Variants in DDX47 observed in about 807,000 individuals in gnomAD.
The protein encoded by DDX47 is DEAD-box helicase 47.
DDX47 carries 60 observed loss-of-function variants against 58.8 expected under a neutral mutation model. That is an observed-to-expected ratio of 1.02 (90% confidence interval 0.83 to 1.26). The LOEUF is 1.26. Ranked by LOEUF, DDX47 falls within the 50% of genes most tolerant of loss-of-function variation. The pLI, the probability that DDX47 is intolerant of heterozygous loss-of-function variation, is 0.00. For missense variants in DDX47, 530 were observed against 573.2 expected, an observed-to-expected ratio of 0.92 and a Z score of 0.77; for synonymous variants, 197 against 204.6, an observed-to-expected ratio of 0.96 and a Z score of 0.32.
At chr12:12,825,902 A>G (rs753593371) in intron 9 of DDX47, 98 bp from the exon 10 acceptor site, 3 of 867,208 alleles carry the variant, frequency 3.5e-6, no homozygotes, top group African/African-American at 3.5e-5. Context: ...AAATGAATCT[A>G]TTTTCTTTCA....
chr12:12,821,059 A>G, intron 2 of DDX47, 149 bp from the exon 3 acceptor site: 1 of 747,006 alleles, frequency 1.3e-6, no homozygotes, highest in Non-Finnish European at 2.2e-6. Context: ...GAGAGAGGCC[A>G]TGTCTTTTCT....
chr12:12,826,025 CAGCTAG>C lies in DDX47; in HGVS notation c.1066_1071del (p.Arg356_Ala357del), dbSNP rs1384555703. The C allele has an allele frequency of 1.2e-6, 2 of 1,613,284 alleles. No homozygotes were observed. Among genetic ancestry groups the C allele is most frequent in the Admixed American group, 3.3e-5 (2 of 59,900 alleles). On this transcript the variant is annotated inframe_deletion, in exon 10 of 12. Coordinates refer to ENST00000358007, the MANE Select transcript of DDX47 (RefSeq NM_016355.4). ...GATTACATCCATCGAGTAGGTCGAA[CAGCTAG>C]AGCTGGGCGCTCCGGAAAGGCTATT...
chr12:12,813,654 C>T (rs1862849177), intron 1 of DDX47, 200 bp downstream of exon 1: 1 of 603,570 alleles, frequency 1.7e-6, no homozygotes, highest in East Asian at 2.8e-5. Context: ...CTGAGACCCC[C>T]TATTTGCCCT....
chr12:12,820,767 C>A, intron 2 of DDX47: 1 of 174,082 alleles, frequency 5.7e-6, no homozygotes, highest in South Asian at 1.3e-4. Context: ...TCCCAAACTG[C>A]TGGGGTTACA....
chr12:12,823,793 T>C, intron 7 of DDX47, 77 bp from the exon 8 acceptor site: 1 of 1,427,406 alleles, frequency 7.0e-7, no homozygotes, highest in African/African-American at 1.4e-5. Flanking sequence ...GCTTAGTCTT[T>C]ACCTTATGTA....
chr12:12,820,716 G>T (rs115642034), intron 2 of DDX47: 4,731 of 162,740 alleles, frequency 0.029, 235 homozygotes, highest in African/African-American at 0.1. Flanking sequence ...GGTCAGACTG[G>T]TCTCGAACTC....
chr12:12,825,334 C>T (rs762160316), intron 9 of DDX47, among the ~76,000 whole-genome samples: 23 of 152,116 alleles, frequency 1.5e-4, no homozygotes, highest in Admixed American at 1.3e-4. Context: ...TTTAAGCTTT[C>T]GAATTCCTTG....
At position 12,829,401 on chromosome 12, in the gene DDX47, A is replaced by G. The variant is rs201985269; in HGVS notation, c.1237-22A>G. On this transcript the variant is annotated intron_variant, in intron 11 of 11. Transcript: ENST00000358007. ...GTGCCAGTAATTCATTTTCAATCCC[A>G]TCCTCTCTTTTTTTCTTGCAGGAGT... 3.5e-4 allele frequency: 562 copies of G among 1,598,006 alleles called. 3 individuals carry two copies. Among genetic ancestry groups the G allele is most frequent in the Middle Eastern group, 1.8e-3 (11 of 5,982 alleles).
intron 2 of DDX47, chr12:12,820,398 G>A (rs1356891965): frequency 1.3e-5 from 2 of 152,118 alleles, no homozygotes; most frequent in East Asian, 1.9e-4. Context: ...CTTTCTTATA[G>A]GAAAACATCA....
chr12:12,823,784 C>A, intron 7 of DDX47, 86 bp from the exon 8 acceptor site: 1 of 1,334,314 alleles, frequency 7.5e-7, no homozygotes, highest in Non-Finnish European at 1.0e-6. Flanking sequence ...CGACTATAGG[C>A]TTAGTCTTTA....
Position 12,829,418 on chromosome 12 carries a change from TGCAG to T in DDX47, c.1237-3_1237del. On this transcript the variant is annotated splice_acceptor_variant and splice_polypyrimidine_tract_variant and intron_variant, in intron 11 of 11. Transcript: ENST00000358007. LOFTEE classifies it high-confidence loss of function. The stretch of plus-strand genomic sequence containing the variant: ...TCAATCCCATCCTCTCTTTTTTTCT[TGCAG>T]GAGTTAAGGGAGCATGGAGAAAAGA... 1 of 1,600,768 alleles carries T rather than the reference TGCAG, an allele frequency of 6.2e-7. No homozygotes were observed. Among genetic ancestry groups the T allele is most frequent in the Non-Finnish European group, 8.5e-7 (1 of 1,175,614 alleles).
At chr12:12,818,983 G>A (rs1428321937) in intron 2 of DDX47, among the ~76,000 whole-genome samples, 1 of 152,192 alleles carries the variant, frequency 6.6e-6, no homozygotes, top group East Asian at 1.9e-4. Context: ...ATTGGGTGGG[G>A]ACACAGCCAA....
rs372689788 is a variant in DDX47, at chr12:12,822,688, C to T, written c.589C>T (p.Arg197Ter). 30 of 1,613,962 alleles carry T rather than the reference C, an allele frequency of 1.9e-5. No homozygotes were observed. The highest frequency in any genetic ancestry group is 1.2e-4 in the African/African-American group (9 of 75,022). ...TGACAAGATCCTCAAAGTGATTCCT[C>T]GAGATCGGAAAACATTCCTCTTCTC... ...EVDKILKVIP[R>*]DRKTFLFSAT... The change falls in exon 6 of 12, where the codon CGA (arginine) becomes TGA (stop). Residue 197 changes from arginine to a stop codon, truncating the protein, a stop_gained. Transcript: ENST00000358007. LOFTEE classifies it high-confidence loss of function.
chr12:12,818,985 C>T (rs966379097), intron 2 of DDX47, among the ~76,000 whole-genome samples: 29 of 152,280 alleles, frequency 1.9e-4, no homozygotes, highest in African/African-American at 6.5e-4. Flanking sequence ...TGGGTGGGGA[C>T]ACAGCCAAAC....
chr12:12,826,170 C>T, intron 10 of DDX47, 100 bp downstream of exon 10: 6 of 894,364 alleles, frequency 6.7e-6, no homozygotes, highest in Non-Finnish European at 1.0e-5. Context: ...ACACTAATCA[C>T]TTTCATACTG....
intron 9 of DDX47, chr12:12,825,092 A>C (rs1481680180): frequency 6.5e-6 from 1 of 154,456 alleles, no homozygotes; most frequent in Non-Finnish European, 1.4e-5. Context: ...CTCCTGCCTC[A>C]GCCTCCCGAG....
At position 12,813,398 on chromosome 12, in the gene DDX47, A is replaced by G. The variant is rs777508264; in HGVS notation, c.31A>G (p.Thr11Ala). The change falls in exon 1 of 12, where the codon ACC (threonine) becomes GCC (alanine). Residue 11 changes from threonine to alanine, a missense_variant. Thr to Ala is a moderately conservative substitution (Grantham distance 58). Coordinates refer to ENST00000358007, the MANE Select transcript of DDX47 (RefSeq NM_016355.4). MAAPEEHDSP[T>A]EASQPIVEEE... ...GGCACCCGAGGAACACGATTCTCCG[A>G]CCGAAGCGTCCCAGCCGATTGTGGA... 3 of 1,613,598 alleles carry G rather than the reference A, an allele frequency of 1.9e-6. No individual in the cohort carries two copies. Among genetic ancestry groups the G allele is most frequent in the Non-Finnish European group, 2.5e-6 (3 of 1,179,774 alleles).
At position 12,814,113 on chromosome 12, in the gene DDX47, A is replaced by AT; in HGVS notation, c.88-13dup. ...GGTGTGCTGTTCTTGGCTAAGGTAT[A>AT]TTTTTCTGAATTCCAAGGGTGTGAC... is the stretch of plus-strand genomic sequence containing the variant. On this transcript the variant is annotated splice_polypyrimidine_tract_variant and intron_variant, in intron 1 of 11. Transcript: ENST00000358007. 1 of 1,582,002 alleles carries AT rather than the reference A, an allele frequency of 6.3e-7. No individual in the cohort carries two copies. Among genetic ancestry groups the AT allele is most frequent in the Non-Finnish European group, 8.7e-7 (1 of 1,150,992 alleles).
intron 10 of DDX47, among the ~76,000 whole-genome samples, chr12:12,826,852 G>T (rs1206434253): frequency 1.3e-5 from 2 of 151,868 alleles, no homozygotes; most frequent in African/African-American, 4.8e-5. Flanking sequence ...CAAACTCCTG[G>T]GCTCAAGTAG....
Sources: allele counts gnomAD v4.1 joint callset (sites outside exome capture counted in the v4.1 genomes callset), GRCh38; gene constraint gnomAD v4.1.1; transcripts MANE v1.5; gene names NCBI Gene and HGNC (gene_info 2026-07-23, HGNC 2026-07-21).